DPYD: variants seen among roughly 807,000 people sequenced by gnomAD.
The protein encoded by DPYD is dihydropyrimidine dehydrogenase.
Under a neutral mutation model 116.2 loss-of-function variants are expected in DPYD, and 109 were observed. That is an observed-to-expected ratio of 0.94 (90% CI 0.80 to 1.10). The LOEUF is 1.10. Among genes scored for constraint, DPYD ranks in the 50% least tolerant of loss-of-function variants. DPYD has a pLI of 0.00. For synonymous variants in DPYD, 440 were observed against 432.0 expected, an observed-to-expected ratio of 1.02 and a Z score of -0.23; for missense variants, 1,302 against 1,254.5, an observed-to-expected ratio of 1.04 and a Z score of -0.57.
intron 20 of DPYD, among the ~76,000 whole-genome samples, chr1:97,107,549 C>T (rs1023613333): frequency 2.6e-5 from 4 of 152,146 alleles, no homozygotes; most frequent in Admixed American, 1.3e-4. Flanking sequence ...ATCACCTTCA[C>T]GAATATATCA....
At chr1:97,155,797 T>C (rs898380933) in intron 20 of DPYD, among the ~76,000 whole-genome samples, 5 of 151,844 alleles carry the variant, frequency 3.3e-5, no homozygotes, top group Non-Finnish European at 7.4e-5. Context: ...CTTAGTGTTC[T>C]TTTGATCTCA....
chr1:97,469,713 C>T (rs948212234), intron 13 of DPYD, among the ~76,000 whole-genome samples: 10 of 152,040 alleles, frequency 6.6e-5, no homozygotes, highest in Non-Finnish European at 1.2e-4. Context: ...AATTGGGTTA[C>T]GATGTCTTGG....
chr1:97,661,523 C>G (rs557246294), intron 8 of DPYD, among the ~76,000 whole-genome samples: 3 of 151,806 alleles, frequency 2.0e-5, no homozygotes, highest in African/African-American at 7.2e-5. Context: ...TGATACTTGC[C>G]AAAATAAGAT....
intron 2 of DPYD, among the ~76,000 whole-genome samples, chr1:97,854,185 G>T (rs1427640765): frequency 6.6e-6 from 1 of 151,832 alleles, no homozygotes; most frequent in Non-Finnish European, 1.5e-5. Context: ...ATAAATTTTG[G>T]AGCAAAGACA....
chr1:97,561,028 T>A (rs1189576941), intron 11 of DPYD, among the ~76,000 whole-genome samples: 3 of 152,184 alleles, frequency 2.0e-5, no homozygotes, highest in African/African-American at 7.2e-5. Flanking sequence ...AGAGGAAGTC[T>A]GAGAAATAGG....
chr1:97,726,334 C>T (rs1210081128), intron 4 of DPYD, among the ~76,000 whole-genome samples: 3 of 151,556 alleles, frequency 2.0e-5, no homozygotes, highest in African/African-American at 7.3e-5. Flanking sequence ...CAGTCATCTC[C>T]TTGACCTGAC....
At chr1:97,365,118 G>A (rs932611922) in intron 16 of DPYD, among the ~76,000 whole-genome samples, 5 of 152,068 alleles carry the variant, frequency 3.3e-5, no homozygotes, top group South Asian at 4.1e-4. Flanking sequence ...ACTCTCAGCC[G>A]CTGAGTACTT....
intron 21 of DPYD, among the ~76,000 whole-genome samples, chr1:97,082,770 C>T (rs1649250663): frequency 6.6e-6 from 1 of 152,086 alleles, no homozygotes. Context: ...GAATAAATGA[C>T]ACCCGTGTGA....
intron 12 of DPYD, among the ~76,000 whole-genome samples, chr1:97,544,103 G>T (rs1650646596): frequency 6.6e-6 from 1 of 152,122 alleles, no homozygotes; most frequent in South Asian, 2.1e-4. Flanking sequence ...AGCTAATTAG[G>T]ATTCAACTGA....
At chr1:97,629,591 T>G (rs1026672503) in intron 8 of DPYD, among the ~76,000 whole-genome samples, 2 of 151,980 alleles carry the variant, frequency 1.3e-5, no homozygotes, top group African/African-American at 4.8e-5. Flanking sequence ...CCAACATAAC[T>G]GACACTCTCA....
At chr1:97,304,798 G>C (rs1334139994) in intron 18 of DPYD, among the ~76,000 whole-genome samples, 1 of 151,980 alleles carries the variant, frequency 6.6e-6, no homozygotes, top group Non-Finnish European at 1.5e-5. Context: ...CAAATGTCTT[G>C]TCAGCTGATG....
intron 3 of DPYD, among the ~76,000 whole-genome samples, chr1:97,822,232 CT>C (rs1668977795): frequency 6.8e-6 from 1 of 147,816 alleles, no homozygotes; most frequent in African/African-American, 2.5e-5. Flanking sequence ...TTCTCTCTCT[CT>C]CTCTATATAT....
chr1:97,224,599 T>A (rs1049925079), intron 19 of DPYD, among the ~76,000 whole-genome samples: 1 of 151,948 alleles, frequency 6.6e-6, no homozygotes, highest in African/African-American at 2.4e-5. Flanking sequence ...GTGCTTTAGA[T>A]CTCCAGACTT....
At chr1:97,258,030 G>A (rs533916835) in intron 18 of DPYD, among the ~76,000 whole-genome samples, 281 of 152,108 alleles carry the variant, frequency 1.8e-3, no homozygotes, top group Non-Finnish European at 3.1e-3. Context: ...AGGAATGGAG[G>A]GAATCACAGA....
intron 19 of DPYD, among the ~76,000 whole-genome samples, chr1:97,199,300 C>T (rs924295258): frequency 6.6e-6 from 1 of 152,004 alleles, no homozygotes; most frequent in Middle Eastern, 3.4e-3. Context: ...GGTTTCTATG[C>T]CATATTAAGT....
chr1:97,441,622 G>A (rs1374616209), intron 14 of DPYD, among the ~76,000 whole-genome samples: 3 of 151,934 alleles, frequency 2.0e-5, no homozygotes, highest in South Asian at 2.1e-4. Flanking sequence ...CAGCTTTATT[G>A]TACTTGTCTG....
intron 10 of DPYD, among the ~76,000 whole-genome samples, chr1:97,587,315 G>A (rs920081590): frequency 2.6e-5 from 4 of 152,184 alleles, no homozygotes; most frequent in Non-Finnish European, 4.4e-5. Context: ...GCTACCTTCA[G>A]AGAGCAAATC....
intron 14 of DPYD, among the ~76,000 whole-genome samples, chr1:97,398,990 C>T (rs1010025110): frequency 5.9e-5 from 9 of 152,102 alleles, no homozygotes; most frequent in African/African-American, 2.2e-4. Flanking sequence ...GTTGCCATTG[C>T]TTTTGGTGTT....
intron 16 of DPYD, among the ~76,000 whole-genome samples, chr1:97,367,924 G>A (rs1451707716): frequency 1.3e-5 from 2 of 152,016 alleles, no homozygotes; most frequent in African/African-American, 4.8e-5. Flanking sequence ...TATGCACTGG[G>A]TTTCTATCTT....
Sources: allele counts gnomAD v4.1 joint callset (sites outside exome capture counted in the v4.1 genomes callset), GRCh38; gene constraint gnomAD v4.1.1; transcripts MANE v1.5; gene names NCBI Gene and HGNC (gene_info 2026-07-23, HGNC 2026-07-21).